COPA: variants seen among roughly 807,000 people sequenced by gnomAD.
COPA encodes the protein coat protein complex I subunit alpha.
In COPA, 10 loss-of-function variants were observed where a neutral mutation model predicts 158.7. That is an observed-to-expected ratio of 0.06 (90% CI 0.04 to 0.11). The LOEUF (loss-of-function observed/expected upper bound fraction) is 0.11, where lower values mean the gene tolerates loss of function less well. COPA is among the 10% of genes least tolerant of loss of function. The pLI, the probability that COPA is intolerant of heterozygous loss-of-function variation, is 1.00. For synonymous variants in COPA, 462 were observed against 542.8 expected, an observed-to-expected ratio of 0.85 and a Z score of 2.07; for missense variants, 1,065 against 1,536.7, an observed-to-expected ratio of 0.69 and a Z score of 5.13.
At position 160,290,504 on chromosome 1, in the gene COPA, G is replaced by A; in HGVS notation, c.3603C>T (p.Cys1201=). The A allele has an allele frequency of 6.2e-7, 1 of 1,614,130 alleles. No individual in the cohort carries two copies. The highest frequency in any genetic ancestry group is 1.7e-5 in the Admixed American group (1 of 60,012). Residue 1201 remains cysteine (C), a synonymous_variant, in exon 32 of 33, where the codon TGC becomes TGT. Coordinates refer to ENST00000241704, the MANE Select transcript of COPA (RefSeq NM_004371.4). Reference sequence around the variant, plus strand: ...GGACAGTACTTACTGTGGTGACCCTGCAGATTTGACCTTTGAACTCAGGGG... The same window carrying A: ...GGACAGTACTTACTGTGGTGACCCTACAGATTTGACCTTTGAACTCAGGGG... The part of the protein sequence containing the change: ...CYSPEFKGQI[C]RVTTVTEIGK...
rs1183881723 is a variant in COPA at position 160,302,813 on chromosome 1, CA to C, written c.1667+2619del. ...TCGTGATCCACCCGCCTCAGCCTCC[CA>C]AAGTGCTGGGATTACAGGCGTGAGC... On this transcript the variant is annotated intron_variant, in intron 17 of 32. Transcript: ENST00000241704. Among the ~76,000 whole-genome samples the C allele has an allele frequency of 2.0e-4, 31 of 152,058 alleles. 1 individual carries two copies. Among genetic ancestry groups the C allele is most frequent in the Middle Eastern group, 3.4e-3 (1 of 294 alleles).
rs1234522143 is a variant in COPA at position 160,288,976 on chromosome 1, T to C, written c.*1181A>G. On this transcript the variant is annotated 3_prime_UTR_variant, in exon 33 of 33. Transcript: ENST00000241704. ...TGAAAAACATGTGCTTCTTTTTTTC[T>C]TTCTTTTTTTTTGAGATGGAGTCTC... 6.6e-6 allele frequency among the ~76,000 whole-genome samples: 1 copy of C among 151,342 alleles called. No homozygotes were observed. The highest frequency in any genetic ancestry group is 1.5e-5 in the Non-Finnish European group (1 of 68,018).
At chr1:160,316,349 C>T (rs1318887065) in intron 8 of COPA, among the ~76,000 whole-genome samples, 1 of 147,540 alleles carries the variant, frequency 6.8e-6, no homozygotes, top group Admixed American at 6.8e-5. Context: ...CAGAGCAAGA[C>T]CCTGTCTTGA....
rs1222645406 is a variant in COPA at position 160,294,545 on chromosome 1, T to C, written c.2615A>G (p.Lys872Arg). 1 of 1,614,082 alleles carries C rather than the reference T, an allele frequency of 6.2e-7. No homozygotes were observed. Among genetic ancestry groups the C allele is most frequent in the Non-Finnish European group, 8.5e-7 (1 of 1,180,044 alleles). Reference sequence around the variant, plus strand: ...CCAGCCACCTCCTTCTTCCTGTCCCTTGCCAAGAGCATCATCCCCCAAACC... The same window carrying C: ...CCAGCCACCTCCTTCTTCCTGTCCCCTGCCAAGAGCATCATCCCCCAAACC... The part of the protein sequence containing the change: ...TEGLGDDALG[K>R]GQEEGGGWDV... Residue 872 changes from lysine (K) to arginine (R), a missense_variant, in exon 25 of 33, where the codon AAG becomes AGG. Coordinates refer to ENST00000241704, the MANE Select transcript of COPA (RefSeq NM_004371.4).
intron 12 of COPA, among the ~76,000 whole-genome samples, chr1:160,309,830 C>G (rs1452182660): frequency 1.3e-5 from 2 of 151,250 alleles, no homozygotes; most frequent in Non-Finnish European, 2.9e-5. Flanking sequence ...TATGAACTTC[C>G]TCTCAAAATA....
At chr1:160,291,690 C>T (rs1485788346) in intron 30 of COPA, 129 bp downstream of exon 30, 3 of 1,124,666 alleles carry the variant, frequency 2.7e-6, no homozygotes, top group African/African-American at 1.8e-5. Flanking sequence ...ATCCTCCCCT[C>T]ATAGAAATGA....
rs569042047 is a variant in COPA at position 160,311,973 on chromosome 1, G to A, written c.971C>T (p.Pro324Leu). The change falls in exon 11 of 33, where the codon CCA becomes CTA. Residue 324 changes from proline (P) to leucine (L), a missense_variant. Physicochemically the swap from Pro to Leu is moderately conservative, Grantham distance 98 (BLOSUM62 -3). Coordinates refer to ENST00000241704, the MANE Select transcript of COPA (RefSeq NM_004371.4). The stretch of plus-strand genomic sequence containing the variant: ...CATATTGCCATGAACAGCATAGGCT[G>A]GCCGTTCCCGTTCCAGCTTAAACAC... ...MIVFKLERER[P>L]AYAVHGNMLH... 21 of 1,613,996 alleles carry A rather than the reference G, an allele frequency of 1.3e-5. 1 individual carries two copies. The South Asian group carries it at 2.3e-4, about 18-fold the overall frequency.
At chr1:160,307,686 G>T (rs1282785261) in intron 13 of COPA, among the ~76,000 whole-genome samples, 2 of 152,224 alleles carry the variant, frequency 1.3e-5, no homozygotes, top group Non-Finnish European at 2.9e-5. Flanking sequence ...GTGAGGCAGA[G>T]CACTCCCAAC....
In COPA at chr1:160,297,441, G is replaced by C; in HGVS notation, c.2168-3C>G. ...ACTCATGTCCTTTCTGATCTCAGCT[G>C]CACCAAGTAAGAGACACCAAGTTAG... On this transcript the variant is annotated splice_polypyrimidine_tract_variant and splice_region_variant and intron_variant, in intron 20 of 32. Transcript: ENST00000241704. The C allele has an allele frequency of 6.2e-7, 1 of 1,613,988 alleles. No homozygotes were observed. The highest frequency in any genetic ancestry group is 8.5e-7 in the Non-Finnish European group (1 of 1,179,938).
intron 17 of COPA, 30 bp from the exon 18 acceptor site, chr1:160,299,294 G>A: frequency 1.3e-6 from 2 of 1,581,360 alleles, no homozygotes; most frequent in Non-Finnish European, 1.7e-6. Flanking sequence ...CTTTCAGTAA[G>A]TGAGAGGGAA....
chr1:160,339,872 C>T, intron 3 of COPA, 37 bp downstream of exon 3: 1 of 1,582,478 alleles, frequency 6.3e-7, no homozygotes, highest in Non-Finnish European at 8.7e-7. Context: ...CCCACATCCT[C>T]TTTCCTTTAT....
In COPA at chr1:160,317,362, G is replaced by A. The variant is rs1362525182; in HGVS notation, c.707-3237C>T. The A allele has an allele frequency of 1.1e-5, 18 of 1,588,746 alleles. No individual in the cohort carries two copies. In the Middle Eastern group the frequency reaches 6.8e-4, roughly 60 times the overall value. On this transcript the variant is annotated intron_variant, in intron 8 of 32. Transcript: ENST00000241704. Reference sequence around the variant, plus strand: ...AGTGAGGTTCTGCTTACCCGAGGCCGCTGCTGTGCGGAGACCCCCGGGTGA... The same window carrying A: ...AGTGAGGTTCTGCTTACCCGAGGCCACTGCTGTGCGGAGACCCCCGGGTGA...
In COPA at chr1:160,290,082, G is replaced by T; in HGVS notation, c.*75C>A. On this transcript the variant is annotated 3_prime_UTR_variant, in exon 33 of 33. Coordinates refer to ENST00000241704, the MANE Select transcript of COPA (RefSeq NM_004371.4). Reference sequence around the variant, plus strand: ...TGAAGAGTAGCTGCAGGGGGAAGGTGCTGTTAGAAGGAGGATATAGACACA... The same window carrying T: ...TGAAGAGTAGCTGCAGGGGGAAGGTTCTGTTAGAAGGAGGATATAGACACA... The T allele has an allele frequency of 7.6e-7, 1 of 1,312,300 alleles. No individual in the cohort carries two copies. Among genetic ancestry groups the T allele is most frequent in the Non-Finnish European group, 1.1e-6 (1 of 911,036 alleles). The allele number at this position is 1,312,300 out of a possible 1,614,324, so 81.3% of individuals were successfully genotyped here. A position where few individuals can be genotyped will look rare whatever the true frequency, so the allele number is the denominator to read the frequency against.
At chr1:160,297,954 C>T (rs1211714273) in intron 19 of COPA, among the ~76,000 whole-genome samples, 1 of 152,014 alleles carries the variant, frequency 6.6e-6, no homozygotes, top group Admixed American at 6.6e-5. Flanking sequence ...CCAAGGCAGG[C>T]GGATCCCGAG....
At chr1:160,320,481 A>C (rs925092087) in intron 8 of COPA, among the ~76,000 whole-genome samples, 2 of 151,572 alleles carry the variant, frequency 1.3e-5, no homozygotes, top group Non-Finnish European at 2.9e-5. Context: ...ATGGTGGCAC[A>C]GCCTGTAGTC....
chr1:160,303,697 G>A (rs954739276), intron 17 of COPA, among the ~76,000 whole-genome samples: 1 of 152,106 alleles, frequency 6.6e-6, no homozygotes, highest in Non-Finnish European at 1.5e-5. Context: ...CAACTACATT[G>A]AAATTAAGAC....
Position 160,297,441 on chromosome 1 carries a change from G to A in COPA, c.2168-3C>T, listed in dbSNP as rs1324707883. ...ACTCATGTCCTTTCTGATCTCAGCT[G>A]CACCAAGTAAGAGACACCAAGTTAG... On this transcript the variant is annotated splice_polypyrimidine_tract_variant and splice_region_variant and intron_variant, in intron 20 of 32. Transcript: ENST00000241704. The A allele has an allele frequency of 6.2e-7, 1 of 1,613,988 alleles. No individual in the cohort carries two copies. Among genetic ancestry groups the A allele is most frequent in the Non-Finnish European group, 8.5e-7 (1 of 1,179,938 alleles).
chr1:160,320,792 TAAA>T (rs143294298), intron 8 of COPA, among the ~76,000 whole-genome samples: 3,527 of 89,152 alleles, frequency 0.04, 202 homozygotes, highest in African/African-American at 0.13. Context: ...TTCAAACTCT[TAAA>T]AAAAAAAAAA....
chr1:160,294,703 C>T, intron 24 of COPA, 65 bp downstream of exon 24: 2 of 1,597,158 alleles, frequency 1.3e-6, no homozygotes, highest in Non-Finnish European at 1.7e-6. Flanking sequence ...TGCAGAGCTA[C>T]CCACAACCCA....
Sources: gnomAD v4.1 joint callset for allele counts (sites outside exome capture counted in the v4.1 genomes callset) on GRCh38, gnomAD v4.1.1 for gene constraint, MANE v1.5 for transcripts, NCBI Gene and HGNC (gene_info 2026-07-23, HGNC 2026-07-21) for gene names.